Variants in EFNA5 observed in about 807,000 individuals in gnomAD.
EFNA5 encodes ephrin-A5.
Under a neutral mutation model 22.9 loss-of-function variants are expected in EFNA5, and 5 were observed. That is an observed-to-expected ratio of 0.22 (90% CI 0.11 to 0.46). EFNA5 has a LOEUF of 0.46. Among genes scored for constraint, EFNA5 ranks in the 20% least tolerant of loss-of-function variants. The probability of loss-of-function intolerance (pLI) is 0.99; values close to 1 mark genes in which losing one functional copy is unlikely to be tolerated. For synonymous variants in EFNA5, 113 were observed against 112.2 expected (o/e 1.01, Z -0.04); for missense variants, 237 against 293.3 (o/e 0.81, Z 1.40).
At chr5:107,425,831 A>G (rs570741938) in intron 2 of EFNA5, among the ~76,000 whole-genome samples, 9 of 152,326 alleles carry the variant, frequency 5.9e-5, no homozygotes. Context: ...CTGTAGACTT[A>G]AACCGTGTAA....
intron 1 of EFNA5, among the ~76,000 whole-genome samples, chr5:107,518,754 C>T (rs1334005941): frequency 2.0e-5 from 3 of 152,146 alleles, no homozygotes; most frequent in Admixed American, 6.5e-5. Context: ...GTTCCTACAA[C>T]GTATGGCAAT....
At chr5:107,601,071 T>G (rs1229336690) in intron 1 of EFNA5, among the ~76,000 whole-genome samples, 1 of 152,182 alleles carries the variant, frequency 6.6e-6, no homozygotes, top group African/African-American at 2.4e-5. Flanking sequence ...GTGGAAAACT[T>G]AGAGAACTCA....
chr5:107,442,424 A>T (rs17159969), intron 1 of EFNA5, among the ~76,000 whole-genome samples: 8,338 of 152,204 alleles, frequency 0.055, 349 homozygotes, highest in African/African-American at 0.12. Flanking sequence ...ACATAAAGAA[A>T]TTCTCTTTTC....
intron 1 of EFNA5, among the ~76,000 whole-genome samples, chr5:107,635,768 A>C (rs998678697): frequency 4.6e-5 from 7 of 152,196 alleles, no homozygotes; most frequent in African/African-American, 1.7e-4. Context: ...ATGGAGATGT[A>C]TCAATTCAGC....
In EFNA5 at chr5:107,670,713, G is replaced by T; in HGVS notation, c.-100C>A. 6.8e-7 allele frequency: 1 copy of T among 1,479,230 alleles called. No homozygotes were observed. Among genetic ancestry groups the T allele is most frequent in the Non-Finnish European group, 9.0e-7 (1 of 1,108,494 alleles). The allele number at this position is 1,479,230 out of a possible 1,614,324, so 91.6% of individuals were successfully genotyped here. A position where few individuals can be genotyped will look rare whatever the true frequency, so the allele number is the denominator to read the frequency against. On this transcript the variant is annotated 5_prime_UTR_variant, in exon 1 of 5. Transcript: ENST00000333274. ...GCAAAGGGACAGAGAGAGAGCGGGCGCCAAATAAATATGAATAAATAAAAA... is the reference window on the plus strand; with the variant it reads ...GCAAAGGGACAGAGAGAGAGCGGGCTCCAAATAAATATGAATAAATAAAAA...
At chr5:107,613,097 TA>T (rs540889341) in intron 1 of EFNA5, among the ~76,000 whole-genome samples, 133 of 146,964 alleles carry the variant, frequency 9.0e-4, no homozygotes, top group Non-Finnish European at 1.2e-3. Context: ...TCTTTCGCAA[TA>T]AAAAAAAAAG....
chr5:107,438,647 C>A (rs1391337604), intron 1 of EFNA5, among the ~76,000 whole-genome samples: 2 of 152,064 alleles, frequency 1.3e-5, no homozygotes, highest in African/African-American at 4.8e-5. Flanking sequence ...GGAGAGGAAA[C>A]CAGCGTTCTC....
rs368744696 is a variant in EFNA5, at chr5:107,427,302, C to T, written c.333G>A (p.Pro111=). The part of the protein sequence containing the change: ...ECNRPHSPNG[P]LKFSEKFQLF... Reference sequence around the variant, plus strand: ...GCTGGAATTTTTCAGAGAACTTCAGCGGTCCATTTGGAGAGTGAGGCCGGT... The same window carrying T: ...GCTGGAATTTTTCAGAGAACTTCAGTGGTCCATTTGGAGAGTGAGGCCGGT... Residue 111 remains proline (P), a synonymous_variant, in exon 2 of 5, where the codon CCG becomes CCA. Coordinates refer to ENST00000333274, the MANE Select transcript of EFNA5 (RefSeq NM_001962.3). The T allele has an allele frequency of 1.9e-5, 31 of 1,613,918 alleles. No individual in the cohort carries two copies. In the Middle Eastern group the frequency reaches 4.9e-4, roughly 26 times the overall value.
chr5:107,397,896 T>G (rs1222634891), intron 2 of EFNA5, among the ~76,000 whole-genome samples: 1 of 152,182 alleles, frequency 6.6e-6, no homozygotes, highest in Non-Finnish European at 1.5e-5. Context: ...AGGGACTAAA[T>G]TCTAGTTTAC....
chr5:107,591,774 T>C (rs1040276214), intron 1 of EFNA5, among the ~76,000 whole-genome samples: 10 of 135,020 alleles, frequency 7.4e-5, no homozygotes, highest in African/African-American at 2.6e-4. Context: ...TGAGCCAAGA[T>C]TGCACGACTG....
intron 1 of EFNA5, among the ~76,000 whole-genome samples, chr5:107,534,723 A>G: frequency 6.6e-6 from 1 of 152,228 alleles, no homozygotes; most frequent in Non-Finnish European, 1.5e-5. Flanking sequence ...GGAGAACAGC[A>G]CTGAATTGGG....
intron 2 of EFNA5, among the ~76,000 whole-genome samples, chr5:107,391,378 G>C (rs777409318): frequency 6.6e-6 from 1 of 152,164 alleles, no homozygotes; most frequent in Non-Finnish European, 1.5e-5. Context: ...GGGAGCAAGA[G>C]TGTGTCCCAG....
chr5:107,556,067 A>T (rs1748404701), intron 1 of EFNA5, among the ~76,000 whole-genome samples: 1 of 152,114 alleles, frequency 6.6e-6, no homozygotes, highest in Non-Finnish European at 1.5e-5. Flanking sequence ...CCCTTATACT[A>T]CTTACCGTCT....
intron 1 of EFNA5, among the ~76,000 whole-genome samples, chr5:107,529,080 C>T (rs533736763): frequency 9.9e-5 from 15 of 152,254 alleles, no homozygotes; most frequent in African/African-American, 3.4e-4. Context: ...TTAAGAAACA[C>T]TATTTAGGGT....
chr5:107,607,387 A>AAGGAACTCT (rs1292676493), intron 1 of EFNA5, among the ~76,000 whole-genome samples: 1 of 152,216 alleles, frequency 6.6e-6, no homozygotes, highest in Non-Finnish European at 1.5e-5. Flanking sequence ...TCCTTCTTCA[A>AAGGAACTCT]ACATTTGCAG....
intron 1 of EFNA5, among the ~76,000 whole-genome samples, chr5:107,472,129 A>T (rs544313564): frequency 6.6e-6 from 1 of 152,354 alleles, no homozygotes; most frequent in Non-Finnish European, 1.5e-5. Context: ...CAGAAAAACA[A>T]GAGTAAATGT....
At chr5:107,424,748 T>C (rs1162607151) in intron 2 of EFNA5, among the ~76,000 whole-genome samples, 2 of 152,132 alleles carry the variant, frequency 1.3e-5, no homozygotes, top group Non-Finnish European at 2.9e-5. Context: ...TGAGGGCCAA[T>C]TCTCCCCTAA....
chr5:107,486,548 T>G (rs1214298920), intron 1 of EFNA5, among the ~76,000 whole-genome samples: 1 of 152,230 alleles, frequency 6.6e-6, no homozygotes, highest in African/African-American at 2.4e-5. Flanking sequence ...CATATCTAAC[T>G]TTCTTCTCCT....
In EFNA5 at chr5:107,629,545, C is replaced by T. The variant is rs531600327; in HGVS notation, c.125+40944G>A. ...GTCAGTGTAGGTTCATCAATTGTAACAAACGTACCACTGTGGTGAGGGATG... is the reference window on the plus strand; with the variant it reads ...GTCAGTGTAGGTTCATCAATTGTAATAAACGTACCACTGTGGTGAGGGATG... On this transcript the variant is annotated intron_variant, in intron 1 of 4. Transcript: ENST00000333274. Among the ~76,000 whole-genome samples the T allele has an allele frequency of 7.2e-5, 11 of 152,232 alleles. No individual in the cohort carries two copies. In the East Asian group the frequency reaches 1.7e-3, roughly 24 times the overall value.
Sources: allele counts gnomAD v4.1 joint callset (sites outside exome capture counted in the v4.1 genomes callset), GRCh38; gene constraint gnomAD v4.1.1; transcripts MANE v1.5; gene names NCBI Gene and HGNC (gene_info 2026-07-23, HGNC 2026-07-21).